GTF3C1: variants seen among roughly 807,000 people sequenced by gnomAD.
GTF3C1 encodes the protein general transcription factor 3C polypeptide 1.
A neutral mutation model predicts 226.7 loss-of-function variants in GTF3C1; 57 were observed. The ratio of observed to expected loss-of-function variants is 0.25; its 90% CI spans 0.20 to 0.31. GTF3C1 has a LOEUF of 0.31. Among genes scored for constraint, GTF3C1 ranks in the 10% least tolerant of loss-of-function variants. The pLI is 1.00. For missense variants in GTF3C1, 2,217 were observed against 2,776.1 expected (o/e 0.80, Z 4.53); for synonymous variants, 1,090 against 1,084.8 (o/e 1.00, Z -0.09).
At chr16:27,480,051 A>C (rs1345612795) in intron 27 of GTF3C1, among the ~76,000 whole-genome samples, 2 of 151,974 alleles carry the variant, frequency 1.3e-5, no homozygotes, top group African/African-American at 2.4e-5. Context: ...ATACAAAAAA[A>C]TTAGCCAGGC....
chr16:27,504,545 A>G (rs1014957745), intron 10 of GTF3C1, among the ~76,000 whole-genome samples: 3 of 152,228 alleles, frequency 2.0e-5, no homozygotes, highest in African/African-American at 7.2e-5. Context: ...TAGGGACTGC[A>G]CAGGCAAGTT....
intron 4 of GTF3C1, among the ~76,000 whole-genome samples, chr16:27,537,202 A>C (rs2089013763): frequency 6.6e-6 from 1 of 152,208 alleles, no homozygotes; most frequent in Non-Finnish European, 1.5e-5. Flanking sequence ...CAAGAAATCA[A>C]ATCTGACTTA....
Position 27,463,338 on chromosome 16 carries a change from G to A in GTF3C1, c.5924+203C>T, listed in dbSNP as rs941776973. The A allele has an allele frequency of 4.4e-5, 27 of 612,838 alleles. No homozygotes were observed. Among genetic ancestry groups the A allele is most frequent in the Admixed American group, 2.7e-4 (10 of 36,598 alleles). 38.0% of individuals were successfully genotyped at this position (612,838 alleles called of 1,614,324 possible). On this transcript the variant is annotated intron_variant, in intron 35 of 36. Transcript: ENST00000356183. This position sits in a 1 kb window ranked among gnomAD's most constrained non-coding sequence, Gnocchi z 4.9. ...GGAAGCGCAGCCCTCATTCCAGGCC[G>A]ACCTGGGCACTGCCAGTGCTCAGCA...
rs758246925 is a variant in GTF3C1, at chr16:27,471,962, G to A, written c.4354-42C>T. 15 of 1,584,780 alleles carry A rather than the reference G, an allele frequency of 9.5e-6. No homozygotes were observed. In the Admixed American group the frequency reaches 1.7e-4, roughly 18 times the overall value. On this transcript the variant is annotated intron_variant, in intron 29 of 36. Coordinates refer to ENST00000356183, the MANE Select transcript of GTF3C1 (RefSeq NM_001520.4). This position sits in a 1 kb window ranked among gnomAD's most constrained non-coding sequence, Gnocchi z 5.0. The stretch of plus-strand genomic sequence containing the variant: ...CGAGGGTGAGTAGGGTTCTCCAGCC[G>A]GCCACGGAGAGGGCTGGGGTATGTG...
At position 27,506,921 on chromosome 16, in the gene GTF3C1, C is replaced by A; in HGVS notation, c.1478G>T (p.Gly493Val). 6.2e-7 allele frequency: 1 copy of A among 1,613,844 alleles called. No individual in the cohort carries two copies. Among genetic ancestry groups the A allele is most frequent in the South Asian group, 1.1e-5 (1 of 91,020 alleles). ...ERSSSKRRGR[G>V]SQKDTRASAN... is the part of the protein sequence containing the mutation. ...AGAGGCTCTTGTGTCTTTCTGGGACCCTCTGCCTCTCCGCTTGCTGCTGCT... is the reference window on the plus strand; with the variant it reads ...AGAGGCTCTTGTGTCTTTCTGGGACACTCTGCCTCTCCGCTTGCTGCTGCT... Residue 493 changes from glycine to valine, a missense_variant, in exon 9 of 37, where the codon GGG becomes GTG. By Grantham distance (109) the Gly-to-Val change is moderately radical (BLOSUM62 -3). Around this residue, in one of 12 missense-constraint regions of GTF3C1, gnomAD observed 173 missense variants for 207.2 expected, o/e 0.83. Transcript: ENST00000356183.
Position 27,492,608 on chromosome 16 carries a change from G to T in GTF3C1, c.2973+9C>A. On this transcript the variant is annotated intron_variant, in intron 18 of 36. Transcript: ENST00000356183. This position sits in a 1 kb window ranked among gnomAD's most constrained non-coding sequence, Gnocchi z 5.0. ...AGAATTTCCTTCGTTTGGGCTTGAG[G>T]GACATTACCTGATCTTTATCCTGAA... The T allele has an allele frequency of 6.4e-7, 1 of 1,566,002 alleles. No individual in the cohort carries two copies. The highest frequency in any genetic ancestry group is 8.8e-7 in the Non-Finnish European group (1 of 1,136,116).
chr16:27,515,466 A>C (rs1401213045), intron 6 of GTF3C1, among the ~76,000 whole-genome samples: 4 of 131,244 alleles, frequency 3.0e-5, no homozygotes, highest in East Asian at 4.4e-4. Flanking sequence ...AAAACACAAC[A>C]AAAAAAAAAA....
chr16:27,485,172 G>A (rs1487901747), intron 24 of GTF3C1, among the ~76,000 whole-genome samples: 1 of 152,240 alleles, frequency 6.6e-6, no homozygotes, highest in African/African-American at 2.4e-5. Context: ...TCAAGACAAG[G>A]GATCTAATAG....
chr16:27,476,434 G>T lies in GTF3C1; in HGVS notation c.4353+17C>A. ...GGGCCCACATCCCCGCTGTGCTGCC[G>T]GGCAGCCGACACCCACCTGGAATGA... is the stretch of plus-strand genomic sequence containing the variant. On this transcript the variant is annotated intron_variant, in intron 29 of 36. Transcript: ENST00000356183. 1.2e-5 allele frequency: 18 copies of T among 1,535,728 alleles called. No individual in the cohort carries two copies. The highest frequency in any genetic ancestry group is 1.6e-5 in the Non-Finnish European group (18 of 1,108,916).
intron 6 of GTF3C1, among the ~76,000 whole-genome samples, chr16:27,517,249 G>C (rs767490817): frequency 6.6e-6 from 1 of 152,190 alleles, no homozygotes; most frequent in African/African-American, 2.4e-5. Context: ...CACAGTTCTA[G>C]AGTTTTACCA....
rs1032832572 is a variant in GTF3C1 at position 27,470,568 on chromosome 16, G to A, written c.4527-173C>T. On this transcript the variant is annotated intron_variant, in intron 30 of 36. Transcript: ENST00000356183. The surrounding 1 kb of genome is among the most constrained non-coding windows in gnomAD (Gnocchi z 4.9). ...TGAAGGTGCTGCATTCCCACCTAGC[G>A]GTGTTTGTGTCTCTCTTCCCCGCTT... 23 of 609,870 alleles carry A rather than the reference G, an allele frequency of 3.8e-5. No homozygotes were observed. Among genetic ancestry groups the A allele is most frequent in the Middle Eastern group, 8.8e-4 (2 of 2,268 alleles). 37.8% of individuals were successfully genotyped at this position (609,870 alleles called of 1,614,324 possible).
chr16:27,485,992 G>T lies in GTF3C1; in HGVS notation c.3858+5C>A. On this transcript the variant is annotated splice_donor_5th_base_variant and intron_variant, in intron 24 of 36. Coordinates refer to ENST00000356183, the MANE Select transcript of GTF3C1 (RefSeq NM_001520.4). ...GGCCCACCGCTGGGCTGGGCTGGTT[G>T]GTACCTTGGTGTTGAGGACATTGCT... 6.3e-7 allele frequency: 1 copy of T among 1,593,834 alleles called. No homozygotes were observed.
Position 27,462,327 on chromosome 16 carries a change from G to A in GTF3C1, c.6084C>T (p.Val2028=), listed in dbSNP as rs1210541641. 2 of 1,564,084 alleles carry A rather than the reference G, an allele frequency of 1.3e-6. No individual in the cohort carries two copies. The highest frequency in any genetic ancestry group is 8.7e-7 in the Non-Finnish European group (1 of 1,154,612). The part of the protein sequence containing the change: ...ESSLLRHYQG[V]LQPVAVLELL... ...ACTCCAGCACGGCGACGGGCTGCAG[G>A]ACCCCCTGGTAGTGGCGCAGCAGGG... The change falls in exon 36 of 37, where the codon GTC becomes GTT. Residue 2028 remains valine, a synonymous_variant. Coordinates refer to ENST00000356183, the MANE Select transcript of GTF3C1 (RefSeq NM_001520.4). The surrounding 1 kb of genome is among the most constrained non-coding windows in gnomAD (Gnocchi z 4.5).
At chr16:27,547,868 G>A (rs1285076538) in intron 1 of GTF3C1, among the ~76,000 whole-genome samples, 2 of 151,854 alleles carry the variant, frequency 1.3e-5, no homozygotes, top group African/African-American at 4.8e-5. Context: ...CAAGTTATCC[G>A]CCCACCTCTG....
intron 5 of GTF3C1, among the ~76,000 whole-genome samples, chr16:27,532,951 G>A (rs371977385): frequency 1.3e-5 from 2 of 152,120 alleles, no homozygotes; most frequent in African/African-American, 4.8e-5. Context: ...TGGCCAACAT[G>A]GTGAAATCTG....
intron 5 of GTF3C1, among the ~76,000 whole-genome samples, chr16:27,529,398 A>T (rs1484808296): frequency 1.3e-5 from 2 of 151,124 alleles, no homozygotes; most frequent in African/African-American, 4.9e-5. Context: ...CCGAGATTGC[A>T]CCACTGCACT....
intron 2 of GTF3C1, among the ~76,000 whole-genome samples, chr16:27,541,759 T>C (rs537841119): frequency 6.6e-6 from 1 of 151,730 alleles, no homozygotes; most frequent in Non-Finnish European, 1.5e-5. Context: ...CAGTGCAGAG[T>C]GAAGAAACTG....
intron 6 of GTF3C1, among the ~76,000 whole-genome samples, chr16:27,514,971 G>A (rs1008546449): frequency 6.6e-6 from 1 of 152,202 alleles, no homozygotes; most frequent in African/African-American, 2.4e-5. Flanking sequence ...GACCTGAGGC[G>A]CCCTCAGCCA....
intron 27 of GTF3C1, among the ~76,000 whole-genome samples, chr16:27,479,995 T>C (rs2088014865): frequency 6.6e-6 from 1 of 151,832 alleles, no homozygotes; most frequent in African/African-American, 2.4e-5. Context: ...GGTCAGGAGA[T>C]CCAGACCATC....
Sources: gnomAD v4.1 joint callset for allele counts (sites outside exome capture counted in the v4.1 genomes callset) on GRCh38, gnomAD v4.1.1 for gene constraint, gnomAD v4.1.1 regional missense constraint, Gnocchi (gnomAD v3.1) non-coding constraint, MANE v1.5 for transcripts, NCBI Gene and HGNC (gene_info 2026-07-23, HGNC 2026-07-21) for gene names.